UNC13C: variants seen among roughly 807,000 people sequenced by gnomAD.
UNC13C encodes protein unc-13 homolog C.
UNC13C carries 174 observed loss-of-function variants against 245.4 expected under a neutral mutation model. The ratio of observed to expected loss-of-function variants is 0.71; its 90% confidence interval spans 0.63 to 0.80. The LOEUF (loss-of-function observed/expected upper bound fraction) is 0.80, where lower values mean the gene tolerates loss of function less well. Among genes scored for constraint, UNC13C ranks in the 30% least tolerant of loss-of-function variants. The pLI, the probability that UNC13C is intolerant of heterozygous loss-of-function variation, is 0.00. For missense variants in UNC13C, 2,829 were observed against 2,602.9 expected, an observed-to-expected ratio of 1.09 and a Z score of -1.89; for synonymous variants, 992 against 895.1, an observed-to-expected ratio of 1.11 and a Z score of -1.93.
At chr15:54,553,054 A>ACAATATATAATATATATTGTATTCTATT (rs1896909107) in intron 28 of UNC13C, among the ~76,000 whole-genome samples, 1 of 39,760 alleles carries the variant, frequency 2.5e-5, no homozygotes, top group African/African-American at 8.8e-5. Flanking sequence ...TGTATTCTAT[A>ACAATATATAATATATATTGTATTCTATT]TTACAATATA....
At chr15:54,487,126 A>G (rs1490332413) in intron 19 of UNC13C, among the ~76,000 whole-genome samples, 1 of 152,154 alleles carries the variant, frequency 6.6e-6, no homozygotes, top group Non-Finnish European at 1.5e-5. Flanking sequence ...TTCTACGTAG[A>G]TCAATCAGAG....
intron 17 of UNC13C, among the ~76,000 whole-genome samples, chr15:54,376,917 T>C (rs1162170328): frequency 3.9e-5 from 6 of 152,198 alleles, no homozygotes; most frequent in Non-Finnish European, 7.3e-5. Context: ...GGTAATCATC[T>C]TGAGATGAGA....
At chr15:54,070,570 C>A (rs1032001720) in intron 2 of UNC13C, among the ~76,000 whole-genome samples, 3 of 152,066 alleles carry the variant, frequency 2.0e-5, no homozygotes, top group African/African-American at 7.2e-5. Flanking sequence ...GTTTTGTTAG[C>A]TTGCATAGGT....
chr15:54,465,374 T>C (rs1415351856), intron 19 of UNC13C, among the ~76,000 whole-genome samples: 1 of 152,076 alleles, frequency 6.6e-6, no homozygotes, highest in East Asian at 1.9e-4. Context: ...TTAAACATTT[T>C]ATGGCTTCTA....
intron 8 of UNC13C, among the ~76,000 whole-genome samples, chr15:54,251,227 A>T (rs1336089618): frequency 6.6e-6 from 1 of 152,170 alleles, no homozygotes; most frequent in Non-Finnish European, 1.5e-5. Flanking sequence ...GTCCTTCTAC[A>T]GTTCCTGCAC....
Position 54,012,836 on chromosome 15 carries a change from T to A in UNC13C, c.-68T>A. 1 of 1,258,228 alleles carries A rather than the reference T, an allele frequency of 7.9e-7. No homozygotes were observed. The highest frequency in any genetic ancestry group is 1.1e-6 in the Non-Finnish European group (1 of 898,738). The allele number at this position is 1,258,228 out of a possible 1,614,324, so 77.9% of individuals were successfully genotyped here. On this transcript the variant is annotated 5_prime_UTR_variant, in exon 2 of 33. Coordinates refer to ENST00000260323, the MANE Select transcript of UNC13C (RefSeq NM_001080534.3). ...TCTGAACAGTGATGCTTGCCTTGGA[T>A]TTTCAGGTTTTCATCCTGATACTTG...
At chr15:53,936,548 A>C in the UNC13C span, among the ~76,000 whole-genome samples, 1 of 152,236 alleles carries the variant, frequency 6.6e-6, no homozygotes, top group Admixed American at 6.5e-5. Flanking sequence ...TTTAAGTGAG[A>C]CCCTGGTCCC....
intron 19 of UNC13C, among the ~76,000 whole-genome samples, chr15:54,416,340 T>G (rs1199222374): frequency 6.6e-6 from 1 of 152,182 alleles, no homozygotes; most frequent in Non-Finnish European, 1.5e-5. Context: ...GAACATTCAG[T>G]TTTTCTTATT....
In UNC13C at chr15:54,567,299, C is replaced by T. The variant is rs1046763540; in HGVS notation, c.5959-501C>T. ...GGACCACTCTGCTTCGTCAGGTTGGCCTATATCTGCACCACTGTGTGATTA... is the reference window on the plus strand; with the variant it reads ...GGACCACTCTGCTTCGTCAGGTTGGTCTATATCTGCACCACTGTGTGATTA... On this transcript the variant is annotated intron_variant, in intron 29 of 32. Transcript: ENST00000260323. Among the ~76,000 whole-genome samples the T allele has an allele frequency of 3.3e-5, 5 of 152,106 alleles. No homozygotes were observed. The East Asian group carries it at 9.6e-4, about 29-fold the overall frequency.
At chr15:54,101,715 G>A (rs146250024) in intron 2 of UNC13C, among the ~76,000 whole-genome samples, 24 of 152,020 alleles carry the variant, frequency 1.6e-4, no homozygotes, top group African/African-American at 4.8e-4. Flanking sequence ...TGAGTAGCTG[G>A]GATTACAGGC....
intron 17 of UNC13C, among the ~76,000 whole-genome samples, chr15:54,352,199 AG>A (rs372986698): frequency 7.3e-5 from 11 of 150,946 alleles, no homozygotes; most frequent in African/African-American, 2.7e-4. Flanking sequence ...TCAGCCTTCC[AG>A]GAAATACTGA....
chr15:53,948,285 T>C, the UNC13C span: 1 of 152,202 alleles, frequency 6.6e-6, no homozygotes, highest in Non-Finnish European at 1.5e-5. Flanking sequence ...AAAATGATAC[T>C]GCTTTCAGAA....
the UNC13C span, among the ~76,000 whole-genome samples, chr15:53,964,545 A>C: frequency 1.3e-5 from 2 of 152,226 alleles, no homozygotes; most frequent in African/African-American, 4.8e-5. Flanking sequence ...GTGAAATATT[A>C]GGTTGTAATG....
At chr15:54,487,442 T>C (rs948819225) in intron 19 of UNC13C, among the ~76,000 whole-genome samples, 2 of 152,106 alleles carry the variant, frequency 1.3e-5, no homozygotes. Context: ...CTATATTTGT[T>C]CCTCCAAAGT....
intron 4 of UNC13C, among the ~76,000 whole-genome samples, chr15:54,184,627 A>G (rs1348563381): frequency 2.0e-5 from 3 of 152,142 alleles, no homozygotes; most frequent in African/African-American, 7.2e-5. Flanking sequence ...ATAGTATTCC[A>G]TGGTGTATAT....
At chr15:54,625,640 G>GT (rs1181846558) in intron 32 of UNC13C, among the ~76,000 whole-genome samples, 2 of 152,022 alleles carry the variant, frequency 1.3e-5, no homozygotes, top group African/African-American at 2.4e-5. Flanking sequence ...TCTCTTACAG[G>GT]TTTTTTGTTC....
At position 54,403,785 on chromosome 15, in the gene UNC13C, A is replaced by G. The variant is rs28411950; in HGVS notation, c.4847+10604A>G. Among the ~76,000 whole-genome samples the G allele has an allele frequency of 5.6e-3, 842 of 151,252 alleles. 3 individuals are homozygous for G. The highest frequency in any genetic ancestry group is 0.019 in the African/African-American group (790 of 41,270). ...CAGTTTTGTTTTTCATGTTAAAATT[A>G]AGTATATACTTAAATATCTGAGTTC... is the stretch of plus-strand genomic sequence containing the variant. On this transcript the variant is annotated intron_variant, in intron 18 of 32. Transcript: ENST00000260323.
chr15:54,392,935 C>CG, intron 17 of UNC13C, 113 bp from the exon 18 acceptor site: 2 of 1,283,462 alleles, frequency 1.6e-6, no homozygotes, highest in Non-Finnish European at 2.1e-6. Flanking sequence ...CTCCCATAAT[C>CG]TAAGTTTCAT....
intron 19 of UNC13C, 140 bp downstream of exon 19, chr15:54,415,207 A>G (rs2040494369): frequency 1.7e-6 from 1 of 601,834 alleles, no homozygotes. Context: ...TTATTTCCGT[A>G]TGGTGAAAAG....
Sources: gnomAD v4.1 joint callset for allele counts (sites outside exome capture counted in the v4.1 genomes callset) on GRCh38, gnomAD v4.1.1 for gene constraint, MANE v1.5 for transcripts, NCBI Gene and HGNC (gene_info 2026-07-23, HGNC 2026-07-21) for gene names.